The following DPYSL5 variants were observed in gnomAD, a reference collection of about 807,000 sequenced individuals.
DPYSL5 encodes dihydropyrimidinase-related protein 5.
A neutral mutation model predicts 58.4 loss-of-function variants in DPYSL5; 9 were observed. The ratio of observed to expected loss-of-function variants is 0.15; its 90% CI spans 0.09 to 0.27. The LOEUF is 0.27. Among genes scored for constraint, DPYSL5 ranks in the 10% least tolerant of loss-of-function variants. The probability of loss-of-function intolerance (pLI) is 1.00; values close to 1 mark genes in which losing one functional copy is unlikely to be tolerated. For synonymous variants in DPYSL5, 293 were observed against 301.9 expected (o/e 0.97, Z 0.31); for missense variants, 499 against 770.6 (o/e 0.65, Z 4.17).
chr2:26,866,730 TTC>T (rs1278009617), intron 1 of DPYSL5, among the ~76,000 whole-genome samples: 2 of 145,396 alleles, frequency 1.4e-5, no homozygotes, highest in Non-Finnish European at 3.0e-5. Flanking sequence ...AAAATTCTTC[TTC>T]TTTTTTTTTT....
At position 26,944,966 on chromosome 2, in the gene DPYSL5, A is replaced by G; in HGVS notation, c.1609+142A>G. ...TCCAGGGATGAGTGCTGGTTTGGAT[A>G]TTAGACTCACATAGACATTAGTGGG... On this transcript the variant is annotated intron_variant, in intron 12 of 12. Coordinates refer to ENST00000288699, the MANE Select transcript of DPYSL5 (RefSeq NM_020134.4). This position sits in a 1 kb window ranked among gnomAD's most constrained non-coding sequence, Gnocchi z 4.4. The G allele has an allele frequency of 1.2e-6, 1 of 812,344 alleles. No individual in the cohort carries two copies. The highest frequency in any genetic ancestry group is 1.9e-6 in the Non-Finnish European group (1 of 524,070). The allele number at this position is 812,344 out of a possible 1,614,324, so 50.3% of individuals were successfully genotyped here. A position where few individuals can be genotyped will look rare whatever the true frequency, so the allele number is the denominator to read the frequency against.
chr2:26,930,682 A>G (rs1664947609), intron 5 of DPYSL5, among the ~76,000 whole-genome samples: 2 of 152,068 alleles, frequency 1.3e-5, no homozygotes, highest in Non-Finnish European at 2.9e-5. Flanking sequence ...TTTAAAAATT[A>G]GCCAAGCATG....
Position 26,898,659 on chromosome 2 carries a change from A to G in DPYSL5, c.160A>G (p.Thr54Ala). Residue 54 changes from threonine to alanine, a missense_variant, in exon 2 of 13, where the codon ACA becomes GCA. Transcript: ENST00000288699. The surrounding 1 kb of genome is among the most constrained non-coding windows in gnomAD (Gnocchi z 6.1). ...IPGGAKVIDA[T>A]GKLVIPGGID... ...TGGCGGGGCCAAGGTGATTGATGCC[A>G]CAGGAAAACTGGTGATCCCTGGTGG... 1 of 1,614,144 alleles carries G rather than the reference A, an allele frequency of 6.2e-7. No homozygotes were observed. Among genetic ancestry groups the G allele is most frequent in the South Asian group, 1.1e-5 (1 of 91,070 alleles).
chr2:26,862,281 C>A (rs1363177522), intron 1 of DPYSL5, among the ~76,000 whole-genome samples: 1 of 152,208 alleles, frequency 6.6e-6, no homozygotes, highest in Non-Finnish European at 1.5e-5. Context: ...TGGCGCAAGG[C>A]CCCTCAGCAA....
Position 26,942,063 on chromosome 2 carries a change from T to A in DPYSL5, c.1203T>A (p.Asp401Glu), listed in dbSNP as rs1221203389. Residue 401 changes from aspartate to glutamate, a missense_variant, in exon 10 of 13, where the codon GAT (aspartate) becomes GAA (glutamate). By Grantham distance (45) the Asp-to-Glu change is conservative. This residue lies in a region of DPYSL5 where 404 missense variants were observed against 647.6 expected (regional missense o/e 0.62). Transcript: ENST00000288699. The surrounding 1 kb of genome is among the most constrained non-coding windows in gnomAD (Gnocchi z 5.9). ...KGRIIPGADA[D>E]VVVWDPEATK... ...GCATTATTCCCGGAGCCGATGCTGA[T>A]GTGGTGGTGTGGGACCCAGAAGCCA... is the stretch of plus-strand genomic sequence containing the variant. 8 of 1,614,088 alleles carry A rather than the reference T, an allele frequency of 5.0e-6. No individual in the cohort carries two copies. The Admixed American group carries it at 1.3e-4, about 27-fold the overall frequency.
At position 26,860,330 on chromosome 2, in the gene DPYSL5, C is replaced by T. The variant is rs145205367; in HGVS notation, c.-5+12076C>T. Among the ~76,000 whole-genome samples, 29 of 152,276 alleles carry T rather than the reference C, an allele frequency of 1.9e-4. No homozygotes were observed. The East Asian group carries it at 3.5e-3, about 18-fold the overall frequency. On this transcript the variant is annotated intron_variant, in intron 1 of 12. Transcript: ENST00000288699. ...TCACATAAGGAGAAGTTTAGCACAA[C>T]GCCTCTCCCCTCCTGTGTCTGTCAA...
intron 1 of DPYSL5, among the ~76,000 whole-genome samples, chr2:26,871,595 C>T: frequency 6.6e-6 from 1 of 152,136 alleles, no homozygotes; most frequent in East Asian, 1.9e-4. Flanking sequence ...TTGCGCACCA[C>T]CACACCCAGC....
chr2:26,924,736 A>T lies in DPYSL5; in HGVS notation c.262-151A>T. On this transcript the variant is annotated intron_variant, in intron 2 of 12. Transcript: ENST00000288699. The surrounding 1 kb of genome is among the most constrained non-coding windows in gnomAD (Gnocchi z 4.7). ...CTCTCGCACCTCCACATGGCTCTTT[A>T]CAGTTTCCCAAACCTCGCTGCCCTT... The T allele has an allele frequency of 9.0e-7, 1 of 1,114,408 alleles. No homozygotes were observed. The highest frequency in any genetic ancestry group is 1.2e-6 in the Non-Finnish European group (1 of 815,364). 69.0% of individuals were successfully genotyped at this position (1,114,408 alleles called of 1,614,324 possible). A position where few individuals can be genotyped will look rare whatever the true frequency, so the allele number is the denominator to read the frequency against.
At chr2:26,940,941 A>ATTAT (rs1665303395) in intron 9 of DPYSL5, among the ~76,000 whole-genome samples, 3 of 142,358 alleles carry the variant, frequency 2.1e-5, no homozygotes, top group African/African-American at 2.6e-5. Context: ...ATTATTATTT[A>ATTAT]TTTTTTTTTG....
rs1402184019 is a variant in DPYSL5, at chr2:26,948,348, CT to C, written c.*1354del. ...CCAGCTCATGGCCTCATCTTCTCCC[CT>C]GTCCATCCAGGTGGGCCCTCCCTGC... On this transcript the variant is annotated 3_prime_UTR_variant, in exon 13 of 13. Coordinates refer to ENST00000288699, the MANE Select transcript of DPYSL5 (RefSeq NM_020134.4). 1.3e-5 allele frequency: 2 copies of C among 152,416 alleles called. No individual in the cohort carries two copies. Among genetic ancestry groups the C allele is most frequent in the Non-Finnish European group, 2.9e-5 (2 of 68,184 alleles). 9.4% of individuals were successfully genotyped at this position (152,416 alleles called of 1,614,324 possible).
intron 1 of DPYSL5, among the ~76,000 whole-genome samples, chr2:26,858,672 T>A (rs1328373974): frequency 6.6e-6 from 1 of 151,344 alleles, no homozygotes; most frequent in Non-Finnish European, 1.5e-5. Context: ...CAAGCAATCC[T>A]CTCACCTCAC....
chr2:26,908,120 C>T (rs1664345762), intron 2 of DPYSL5, among the ~76,000 whole-genome samples: 3 of 152,146 alleles, frequency 2.0e-5, no homozygotes. Flanking sequence ...ATACTTGGTG[C>T]TTATTAAGCA....
chr2:26,880,497 T>C (rs1221383700), intron 1 of DPYSL5, among the ~76,000 whole-genome samples: 2 of 152,224 alleles, frequency 1.3e-5, no homozygotes, highest in African/African-American at 4.8e-5. Context: ...ATTCAGAGCC[T>C]CGACCTCTTG....
At chr2:26,895,775 C>CTTTTTTTTTTTTTTTT (rs869030530) in intron 1 of DPYSL5, among the ~76,000 whole-genome samples, 5 of 101,084 alleles carry the variant, frequency 4.9e-5, no homozygotes, top group African/African-American at 1.2e-4. Flanking sequence ...ATTTCTTTTT[C>CTTTTTTTTTTTTTTTT]TTTTTTTTTT....
At chr2:26,874,434 G>A (rs1381794663) in intron 1 of DPYSL5, among the ~76,000 whole-genome samples, 1 of 151,994 alleles carries the variant, frequency 6.6e-6, no homozygotes, top group Non-Finnish European at 1.5e-5. Flanking sequence ...TCCCCAAATG[G>A]ATATCCATTT....
rs1663448547 is a variant in DPYSL5, at chr2:26,877,687, A to AT, written c.-4-20807dup. ...TTTTAAAATTATATAGTACCAAGAG[A>AT]TTGAGTTCCACTGTAATTCTCCTGT... On this transcript the variant is annotated intron_variant, in intron 1 of 12. Coordinates refer to ENST00000288699, the MANE Select transcript of DPYSL5 (RefSeq NM_020134.4). The surrounding 1 kb of genome is among the most constrained non-coding windows in gnomAD (Gnocchi z 4.1). Among the ~76,000 whole-genome samples the AT allele has an allele frequency of 6.6e-6, 1 of 152,224 alleles. No individual in the cohort carries two copies. Among genetic ancestry groups the AT allele is most frequent in the Non-Finnish European group, 1.5e-5 (1 of 68,042 alleles).
chr2:26,880,648 A>G (rs1663536977), intron 1 of DPYSL5, among the ~76,000 whole-genome samples: 1 of 152,124 alleles, frequency 6.6e-6, no homozygotes, highest in South Asian at 2.1e-4. Flanking sequence ...TCTCCATGCC[A>G]GAGAACACCT....
chr2:26,872,661 G>A (rs1031626314), intron 1 of DPYSL5, among the ~76,000 whole-genome samples: 15 of 151,504 alleles, frequency 9.9e-5, no homozygotes, highest in Non-Finnish European at 2.1e-4. Flanking sequence ...CTGTACTCCA[G>A]CCTGGCAGAG....
rs899920759 is a variant in DPYSL5, at chr2:26,852,329, T to A, written c.-5+4075T>A. Among the ~76,000 whole-genome samples the A allele has an allele frequency of 5.9e-5, 9 of 152,232 alleles. No individual in the cohort carries two copies. In the East Asian group the frequency reaches 1.7e-3, roughly 29 times the overall value. The stretch of plus-strand genomic sequence containing the variant: ...AAATGAGAAATAATTTCAAAATCGC[T>A]TTGCCTTGCTTTTTTTTATGTGAAG... On this transcript the variant is annotated intron_variant, in intron 1 of 12. Coordinates refer to ENST00000288699, the MANE Select transcript of DPYSL5 (RefSeq NM_020134.4).
Sources: gnomAD v4.1 joint callset for allele counts (sites outside exome capture counted in the v4.1 genomes callset) on GRCh38, gnomAD v4.1.1 for gene constraint, gnomAD v4.1.1 regional missense constraint, Gnocchi (gnomAD v3.1) non-coding constraint, MANE v1.5 for transcripts, NCBI Gene and HGNC (gene_info 2026-07-23, HGNC 2026-07-21) for gene names.